The following ZNF679 variants were observed in gnomAD, a reference collection of about 807,000 sequenced individuals.
ZNF679 encodes zinc finger protein 679.
ZNF679 carries 10 observed loss-of-function variants against 13.4 expected under a neutral mutation model. That is an observed-to-expected ratio of 0.75 (90% CI 0.46 to 1.27). ZNF679 has a LOEUF of 1.27. Ranked by LOEUF, ZNF679 falls within the 50% of genes most tolerant of loss-of-function variation. The pLI, the probability that ZNF679 is intolerant of heterozygous loss-of-function variation, is 0.00. For synonymous variants in ZNF679, 179 were observed against 162.5 expected (o/e 1.10, Z -0.77); for missense variants, 525 against 477.8 (o/e 1.10, Z -0.92).
chr7:64,238,368 T>A (rs1037110765), intron 1 of ZNF679, among the ~76,000 whole-genome samples: 1 of 152,148 alleles, frequency 6.6e-6, no homozygotes, highest in Admixed American at 6.5e-5. Context: ...GTAGCTATTA[T>A]GTTTGGTGCT....
rs758807040 is a variant in ZNF679, at chr7:64,249,194, GGC to G, written c.39+39_39+40del. Reference sequence around the variant, plus strand: ...TCTGTCACCGTGAGAGAGGGGTGAGGGCTGGTTGGAACCGGCTGAAAGTGGCT... The same window carrying G: ...TCTGTCACCGTGAGAGAGGGGTGAGGTGGTTGGAACCGGCTGAAAGTGGCT... On this transcript the variant is annotated intron_variant, in intron 2 of 4. Coordinates refer to ENST00000421025, the MANE Select transcript of ZNF679 (RefSeq NM_153363.3). The G allele has an allele frequency of 7.2e-4, 1,162 of 1,613,920 alleles. 18 individuals carry two copies. The East Asian group carries it at 0.024, about 33-fold the overall frequency.
chr7:64,254,974 T>C (rs1004258117), intron 2 of ZNF679, among the ~76,000 whole-genome samples: 1 of 123,048 alleles, frequency 8.1e-6, no homozygotes, highest in African/African-American at 3.0e-5. Context: ...CACTCCAGCC[T>C]GGGCAACAGA....
chr7:64,229,635 T>A (rs909037564), intron 1 of ZNF679, among the ~76,000 whole-genome samples: 3 of 152,212 alleles, frequency 2.0e-5, no homozygotes, highest in East Asian at 1.9e-4. Flanking sequence ...TCATGGACTT[T>A]ATAAAATATT....
chr7:64,257,207 G>A (rs960657306), intron 2 of ZNF679, among the ~76,000 whole-genome samples: 18 of 152,130 alleles, frequency 1.2e-4, no homozygotes, highest in African/African-American at 3.9e-4. Context: ...CTAACTCTTT[G>A]GTGTGGATGT....
intron 1 of ZNF679, among the ~76,000 whole-genome samples, chr7:64,240,631 A>G (rs1787785666): frequency 6.6e-6 from 1 of 152,188 alleles, no homozygotes; most frequent in East Asian, 1.9e-4. Context: ...TAAATCTCAC[A>G]CATAAATGCA....
chr7:64,263,043 T>C (rs1022310485), intron 4 of ZNF679, among the ~76,000 whole-genome samples: 4 of 130,394 alleles, frequency 3.1e-5, no homozygotes, highest in African/African-American at 9.9e-5. Context: ...TTTTTCTTTT[T>C]AGTTTTATCA....
chr7:64,259,656 G>A (rs770106884), intron 2 of ZNF679, among the ~76,000 whole-genome samples: 1 of 152,076 alleles, frequency 6.6e-6, no homozygotes, highest in Non-Finnish European at 1.5e-5. Context: ...GGCCAGGTGC[G>A]GGGGCTCACG....
intron 2 of ZNF679, among the ~76,000 whole-genome samples, chr7:64,250,890 A>T (rs371648973): frequency 6.6e-6 from 1 of 152,090 alleles, no homozygotes. Flanking sequence ...CCAGGCCTCA[A>T]CCGTGTCTTA....
In ZNF679 at chr7:64,260,345, T is replaced by G. The variant is rs568721349; in HGVS notation, c.164T>G (p.Leu55Arg). 5.7e-5 allele frequency: 92 copies of G among 1,603,816 alleles called. No homozygotes were observed. The African/African-American group carries it at 1.2e-3, about 20-fold the overall frequency. The change falls in exon 3 of 5, where the codon CTG becomes CGG. Residue 55 changes from leucine to arginine, a missense_variant and splice_region_variant. Leu to Arg is a moderately radical substitution (Grantham distance 102). Coordinates refer to ENST00000421025, the MANE Select transcript of ZNF679 (RefSeq NM_153363.3). ...GAGAACTACAGAAACCTGGTCTCCC[T>G]GGGTGAGGATAACTTCAATACACAA... ...MLENYRNLVSLGIAVSKPDLI... is the reference protein window; with the variant it reads ...MLENYRNLVSRGIAVSKPDLI...
At chr7:64,234,812 G>A (rs1050617216) in intron 1 of ZNF679, among the ~76,000 whole-genome samples, 5 of 152,098 alleles carry the variant, frequency 3.3e-5, no homozygotes, top group Non-Finnish European at 7.4e-5. Context: ...GACCTCAGCA[G>A]CACTTTCTAG....
intron 2 of ZNF679, 65 bp downstream of exon 2, chr7:64,249,221 T>C: frequency 6.2e-7 from 1 of 1,613,744 alleles, no homozygotes; most frequent in Non-Finnish European, 8.5e-7. Context: ...TGAAAGTGGC[T>C]GTAGCAGGAC....
At chr7:64,232,433 G>C (rs1167252542) in intron 1 of ZNF679, among the ~76,000 whole-genome samples, 1 of 152,150 alleles carries the variant, frequency 6.6e-6, no homozygotes, top group Non-Finnish European at 1.5e-5. Context: ...CTCTCTTATT[G>C]GCTGGGTCCA....
intron 2 of ZNF679, among the ~76,000 whole-genome samples, chr7:64,249,430 C>T (rs543389369): frequency 1.4e-4 from 22 of 152,276 alleles, no homozygotes; most frequent in African/African-American, 4.6e-4. Flanking sequence ...CCTCATCTCA[C>T]CCAGATTGTA....
At chr7:64,232,626 C>T (rs1419372515) in intron 1 of ZNF679, among the ~76,000 whole-genome samples, 1 of 152,110 alleles carries the variant, frequency 6.6e-6, no homozygotes, top group Non-Finnish European at 1.5e-5. Flanking sequence ...ATGGTTTAGT[C>T]TTTTCTGTAG....
intron 1 of ZNF679, among the ~76,000 whole-genome samples, chr7:64,239,546 C>T (rs1360223139): frequency 6.6e-6 from 1 of 152,162 alleles, no homozygotes; most frequent in East Asian, 1.9e-4. Context: ...GGGCCAAGCA[C>T]CTAGATGATG....
intron 1 of ZNF679, among the ~76,000 whole-genome samples, chr7:64,244,938 T>C (rs545396874): frequency 6.6e-6 from 1 of 152,362 alleles, no homozygotes; most frequent in South Asian, 2.1e-4. Context: ...TACTGCCACA[T>C]GGCTACAAGG....
chr7:64,251,415 G>T (rs1787943061), intron 2 of ZNF679, among the ~76,000 whole-genome samples: 2 of 151,948 alleles, frequency 1.3e-5, no homozygotes, highest in South Asian at 4.2e-4. Flanking sequence ...GATCATGCCA[G>T]TGCACTCCAG....
At chr7:64,255,844 G>A (rs547449632) in intron 2 of ZNF679, among the ~76,000 whole-genome samples, 3 of 152,142 alleles carry the variant, frequency 2.0e-5, no homozygotes, top group Admixed American at 2.0e-4. Context: ...CCTAGCCTCA[G>A]GTGATCTGCC....
At chr7:64,235,776 C>G (rs187519735) in intron 1 of ZNF679, among the ~76,000 whole-genome samples, 1 of 134,006 alleles carries the variant, frequency 7.5e-6, no homozygotes, top group South Asian at 2.4e-4. Context: ...GCGACAAGAG[C>G]GAAACCCCGT....
Sources: gnomAD v4.1 joint callset for allele counts (sites outside exome capture counted in the v4.1 genomes callset) on GRCh38, gnomAD v4.1.1 for gene constraint, MANE v1.5 for transcripts, NCBI Gene and HGNC (gene_info 2026-07-23, HGNC 2026-07-21) for gene names.